The following FAIM variants were observed in gnomAD, a reference collection of about 807,000 sequenced individuals.
FAIM encodes the protein Fas apoptotic inhibitory molecule.
Under a neutral mutation model 21.2 loss-of-function variants are expected in FAIM, and 14 were observed. The ratio of observed to expected loss-of-function variants is 0.66; its 90% CI spans 0.44 to 1.03. The LOEUF is 1.03. Ranked by LOEUF, FAIM falls within the 50% of genes least tolerant of loss-of-function variation. The pLI is 0.00. For missense variants in FAIM, 222 were observed against 247.1 expected (o/e 0.90, Z 0.68); for synonymous variants, 86 against 80.4 (o/e 1.07, Z -0.37).
At chr3:138,626,353 C>A (rs1263441396) in intron 4 of FAIM, among the ~76,000 whole-genome samples, 1 of 152,136 alleles carries the variant, frequency 6.6e-6, no homozygotes, top group Non-Finnish European at 1.5e-5. Context: ...TGCTTCCATC[C>A]CTGTTCCCAT....
intron 5 of FAIM, chr3:138,630,814 A>G (rs1209823190): frequency 6.6e-6 from 1 of 152,090 alleles, no homozygotes; most frequent in Non-Finnish European, 1.5e-5. Flanking sequence ...TCCAGTGCAC[A>G]TGTAAAGAGA....
chr3:138,617,123 G>A (rs1274990167), intron 1 of FAIM, among the ~76,000 whole-genome samples: 1 of 151,790 alleles, frequency 6.6e-6, no homozygotes, highest in East Asian at 1.9e-4. Context: ...TGGTGGTATT[G>A]CCTTTTATAC....
In FAIM at chr3:138,624,487, C is replaced by G. The variant is rs2042920246; in HGVS notation, c.406+2071C>G. Among the ~76,000 whole-genome samples the G allele has an allele frequency of 2.0e-5, 3 of 152,280 alleles. No individual in the cohort carries two copies. The South Asian group carries it at 6.2e-4, about 32-fold the overall frequency. On this transcript the variant is annotated intron_variant, in intron 4 of 5. Transcript: ENST00000360570. Reference sequence around the variant, plus strand: ...ACTCTTCTTTATCCATTTGCAATCCCTCATGAGCCTGGAAATGAGACAGAG... The same window carrying G: ...ACTCTTCTTTATCCATTTGCAATCCGTCATGAGCCTGGAAATGAGACAGAG...
intron 4 of FAIM, among the ~76,000 whole-genome samples, chr3:138,626,133 G>T (rs2042936897): frequency 6.6e-6 from 1 of 152,206 alleles, no homozygotes; most frequent in Non-Finnish European, 1.5e-5. Flanking sequence ...TATTGTTCAT[G>T]CGGCTGAGGG....
In FAIM at chr3:138,616,628, G is replaced by C. The variant is rs1019962070; in HGVS notation, c.-16-3083G>C. Among the ~76,000 whole-genome samples the C allele has an allele frequency of 2.0e-5, 3 of 152,008 alleles. 1 individual carries two copies. Among genetic ancestry groups the C allele is most frequent in the Middle Eastern group, 3.2e-3 (1 of 316 alleles). On this transcript the variant is annotated intron_variant, in intron 1 of 5. Coordinates refer to ENST00000360570, the MANE Select transcript of FAIM (RefSeq NM_001033031.2). ...CCTGTCTCAGCCTCTCAAAGTGCGG[G>C]GATTACAGGGATGAGCCACCATGCA...
chr3:138,615,509 T>C (rs887898259), intron 1 of FAIM, among the ~76,000 whole-genome samples: 18 of 152,224 alleles, frequency 1.2e-4, no homozygotes, highest in Non-Finnish European at 2.6e-4. Flanking sequence ...GGCCAAAGTA[T>C]CTTAAAGTCT....
At chr3:138,632,479 A>G (rs1249923253) in intron 5 of FAIM, among the ~76,000 whole-genome samples, 10 of 152,012 alleles carry the variant, frequency 6.6e-5, no homozygotes, top group Admixed American at 3.3e-4. Flanking sequence ...TGTATATTTT[A>G]CTGTAAGCCA....
intron 4 of FAIM, among the ~76,000 whole-genome samples, chr3:138,624,606 T>C (rs1038670164): frequency 1.3e-5 from 2 of 152,174 alleles, no homozygotes; most frequent in African/African-American, 4.8e-5. Context: ...GTTATTGATA[T>C]TGCTTGCACT....
At chr3:138,609,210 C>T (rs910485729) in intron 1 of FAIM, 1 of 151,904 alleles carries the variant, frequency 6.6e-6, no homozygotes, top group African/African-American at 2.4e-5. Flanking sequence ...GGACGCGGCT[C>T]CCGCTCACCG....
chr3:138,621,626 G>A (rs2042886757), intron 3 of FAIM, 87 bp downstream of exon 3: 1 of 1,262,160 alleles, frequency 7.9e-7, no homozygotes, highest in South Asian at 1.5e-5. Context: ...GTGAATTCAG[G>A]GCTTTTTTTT....
intron 5 of FAIM, among the ~76,000 whole-genome samples, chr3:138,631,615 T>A (rs1321051602): frequency 1.3e-5 from 2 of 152,190 alleles, no homozygotes; most frequent in Non-Finnish European, 2.9e-5. Context: ...CCTTCCCCAG[T>A]ACTGTACGTA....
At chr3:138,611,505 C>T (rs2042768641) in intron 1 of FAIM, among the ~76,000 whole-genome samples, 1 of 152,098 alleles carries the variant, frequency 6.6e-6, no homozygotes, top group Non-Finnish European at 1.5e-5. Flanking sequence ...CTTTTCAATA[C>T]CTTAAACAGA....
intron 4 of FAIM, among the ~76,000 whole-genome samples, chr3:138,623,335 C>T (rs369562603): frequency 1.2e-4 from 19 of 152,004 alleles, no homozygotes; most frequent in Non-Finnish European, 2.6e-4. Context: ...CAGTTTTACT[C>T]GTGTTCTCTA....
intron 5 of FAIM, among the ~76,000 whole-genome samples, chr3:138,631,483 T>C (rs1159533272): frequency 6.6e-6 from 1 of 152,162 alleles, no homozygotes; most frequent in Non-Finnish European, 1.5e-5. Flanking sequence ...CATGTCTTTG[T>C]TTTGTAGTAA....
intron 4 of FAIM, 56 bp downstream of exon 4, chr3:138,622,472 AT>A (rs2042898883): frequency 1.7e-6 from 2 of 1,159,040 alleles, no homozygotes; most frequent in Non-Finnish European, 2.5e-6. Context: ...TGTCTGTTTA[AT>A]TCCTGTAACT....
intron 4 of FAIM, among the ~76,000 whole-genome samples, chr3:138,627,208 A>C (rs927366340): frequency 1.4e-5 from 2 of 145,472 alleles, no homozygotes; most frequent in Non-Finnish European, 3.0e-5. Flanking sequence ...CCAAGACAGG[A>C]TCTCACTCTG....
chr3:138,610,481 T>G (rs2042755525), intron 1 of FAIM: 1 of 152,498 alleles, frequency 6.6e-6, no homozygotes, highest in Non-Finnish European at 1.5e-5. Context: ...AAATAGAGGG[T>G]TTTTTGTATT....
At chr3:138,621,321 A>T in intron 2 of FAIM, 86 bp from the exon 3 acceptor site, 1 of 1,381,090 alleles carries the variant, frequency 7.2e-7, no homozygotes, top group Non-Finnish European at 1.0e-6. Flanking sequence ...TAGAGGTTTT[A>T]ATCTAATATT....
Position 138,619,788 on chromosome 3 carries a change from C to A in FAIM, c.44+18C>A. ...GATGAAAGGTAAATGTCTTATATTG[C>A]AGTAAACTAGCCTTTGACATTTTCA... On this transcript the variant is annotated intron_variant, in intron 2 of 5. Transcript: ENST00000360570. 6.3e-7 allele frequency: 1 copy of A among 1,598,474 alleles called. No homozygotes were observed. The highest frequency in any genetic ancestry group is 8.6e-7 in the Non-Finnish European group (1 of 1,167,390).
Sources: gnomAD v4.1 joint callset for allele counts (sites outside exome capture counted in the v4.1 genomes callset) on GRCh38, gnomAD v4.1.1 for gene constraint, MANE v1.5 for transcripts, NCBI Gene and HGNC (gene_info 2026-07-23, HGNC 2026-07-21) for gene names.